The following MTHFD1L variants were observed in gnomAD, a reference collection of about 807,000 sequenced individuals.
MTHFD1L encodes monofunctional C1-tetrahydrofolate synthase, mitochondrial.
In MTHFD1L, 81 loss-of-function variants were observed where a neutral mutation model predicts 119.5. The ratio of observed to expected loss-of-function variants is 0.68; its 90% CI spans 0.57 to 0.82. The LOEUF (loss-of-function observed/expected upper bound fraction) is 0.82. MTHFD1L is among the 40% of genes least tolerant of loss of function. The pLI, the probability that MTHFD1L is intolerant of heterozygous loss-of-function variation, is 0.00. For synonymous variants in MTHFD1L, 430 were observed against 475.2 expected (o/e 0.90, Z 1.24); for missense variants, 1,125 against 1,253.4 (o/e 0.90, Z 1.55).
intron 1 of MTHFD1L, among the ~76,000 whole-genome samples, chr6:150,867,604 A>G (rs1263449159): frequency 1.3e-5 from 2 of 152,046 alleles, no homozygotes; most frequent in Non-Finnish European, 2.9e-5. Context: ...ATTACCTGAA[A>G]CTTCCTTCTT....
rs1417452814 is a variant in MTHFD1L, at chr6:150,949,105, C to T, written c.1698C>T (p.Ile566=). The T allele has an allele frequency of 8.1e-6, 13 of 1,613,904 alleles. No individual in the cohort carries two copies. The Admixed American group carries it at 1.8e-4, about 23-fold the overall frequency. Residue 566 remains isoleucine (I), a synonymous_variant, in exon 16 of 28, where the codon ATC becomes ATT. Transcript: ENST00000367321. ...TGAGTAAATTTGCCCGTCTCGACATCGACCCATCTACCATCACGTGGCAGA... is the reference window on the plus strand; with the variant it reads ...TGAGTAAATTTGCCCGTCTCGACATTGACCCATCTACCATCACGTGGCAGA... ...EEVSKFARLD[I]DPSTITWQRV... is the part of the protein sequence containing the mutation.
chr6:151,100,049 T>TC, intron 27 of MTHFD1L: 1 of 633,522 alleles, frequency 1.6e-6, no homozygotes, highest in Non-Finnish European at 2.7e-6. Flanking sequence ...TTTTTTTTTT[T>TC]TTGAGACGCA....
chr6:151,021,088 A>T (rs1783879757), intron 24 of MTHFD1L, among the ~76,000 whole-genome samples: 1 of 152,124 alleles, frequency 6.6e-6, no homozygotes, highest in Non-Finnish European at 1.5e-5. Flanking sequence ...TTAAGTTTAA[A>T]CCTTGAGTAG....
chr6:150,931,979 T>C (rs1791116210), intron 11 of MTHFD1L, among the ~76,000 whole-genome samples: 1 of 151,262 alleles, frequency 6.6e-6, no homozygotes, highest in Non-Finnish European at 1.5e-5. Flanking sequence ...CTGGCCAACA[T>C]GGTGAAACCC....
intron 20 of MTHFD1L, among the ~76,000 whole-genome samples, chr6:150,992,167 T>C (rs1397756602): frequency 6.7e-6 from 1 of 150,184 alleles, no homozygotes; most frequent in East Asian, 2.0e-4. Flanking sequence ...CTAACAGGGC[T>C]CCCTCCCCAG....
At chr6:151,006,128 G>A (rs1781350673) in intron 20 of MTHFD1L, among the ~76,000 whole-genome samples, 1 of 145,088 alleles carries the variant, frequency 6.9e-6, no homozygotes, top group Non-Finnish European at 1.5e-5. Context: ...CGGCACGTCA[G>A]TGTACTTAGG....
intron 14 of MTHFD1L, 22 bp from the exon 15 acceptor site, chr6:150,945,445 C>G (rs766689729): frequency 6.2e-7 from 1 of 1,600,664 alleles, no homozygotes; most frequent in Non-Finnish European, 8.5e-7. Context: ...TGTGTGGTCT[C>G]ATTTTTGTTT....
chr6:150,973,385 C>T (rs1034815004), intron 20 of MTHFD1L, among the ~76,000 whole-genome samples: 1 of 152,164 alleles, frequency 6.6e-6, no homozygotes, highest in Admixed American at 6.5e-5. Flanking sequence ...TTTGCTCCTT[C>T]GGTAGCAAAT....
At chr6:150,957,618 A>G (rs996459090) in intron 17 of MTHFD1L, among the ~76,000 whole-genome samples, 2 of 152,208 alleles carry the variant, frequency 1.3e-5, no homozygotes, top group Non-Finnish European at 1.5e-5. Context: ...CCAAATGTCC[A>G]ACAGTAGAGA....
intron 21 of MTHFD1L, among the ~76,000 whole-genome samples, chr6:151,013,356 G>A (rs1294512531): frequency 6.6e-6 from 1 of 152,190 alleles, no homozygotes; most frequent in East Asian, 1.9e-4. Flanking sequence ...CTCCAGCCTG[G>A]ACAACAGAAC....
intron 27 of MTHFD1L, among the ~76,000 whole-genome samples, chr6:151,095,135 T>C (rs1313866651): frequency 6.6e-6 from 1 of 152,244 alleles, no homozygotes; most frequent in Admixed American, 6.5e-5. Flanking sequence ...TAACTGCATC[T>C]TTGATCTTTG....
intron 26 of MTHFD1L, among the ~76,000 whole-genome samples, chr6:151,074,435 A>G (rs1228428120): frequency 6.6e-6 from 1 of 152,252 alleles, no homozygotes; most frequent in Non-Finnish European, 1.5e-5. Context: ...AACATTTAGA[A>G]GCTAAATATA....
chr6:150,976,836 G>C (rs1776652507), intron 20 of MTHFD1L, among the ~76,000 whole-genome samples: 1 of 136,922 alleles, frequency 7.3e-6, no homozygotes. Flanking sequence ...CAAAAATAGA[G>C]AATTTGAAAA....
chr6:150,949,100 G>A lies in MTHFD1L; in HGVS notation c.1693G>A (p.Asp565Asn), dbSNP rs367558632. 4.3e-6 allele frequency: 7 copies of A among 1,613,854 alleles called. No homozygotes were observed. The East Asian group carries it at 6.7e-5, about 15-fold the overall frequency. ...EEEVSKFARL[D>N]IDPSTITWQR... ...GGAAGTGAGTAAATTTGCCCGTCTC[G>A]ACATCGACCCATCTACCATCACGTG... Residue 565 changes from aspartate to asparagine, a missense_variant, in exon 16 of 28, where the codon GAC becomes AAC. By Grantham distance (23) the Asp-to-Asn change is conservative. Around this residue, in one of 3 missense-constraint regions of MTHFD1L, gnomAD observed 1,058 missense variants for 1,151.2 expected, o/e 0.92. Coordinates refer to ENST00000367321, the MANE Select transcript of MTHFD1L (RefSeq NM_015440.5).
chr6:151,039,940 A>ACATACATG lies in MTHFD1L; in HGVS notation c.2847+2847_2847+2854dup, dbSNP rs770404743. On this transcript the variant is annotated intron_variant, in intron 26 of 27. Coordinates refer to ENST00000367321, the MANE Select transcript of MTHFD1L (RefSeq NM_015440.5). This position sits in a 1 kb window ranked among gnomAD's most constrained non-coding sequence, Gnocchi z 4.4. ...TAAATACATACATACATACATACAT[A>ACATACATG]CATACATGCATACATGCATACATGC... Among the ~76,000 whole-genome samples the ACATACATG allele has an allele frequency of 6.7e-6, 1 of 150,098 alleles. No homozygotes were observed. Among genetic ancestry groups the ACATACATG allele is most frequent in the East Asian group, 1.9e-4 (1 of 5,182 alleles).
intron 11 of MTHFD1L, among the ~76,000 whole-genome samples, chr6:150,928,864 G>C (rs1205317056): frequency 6.6e-6 from 1 of 152,124 alleles, no homozygotes; most frequent in African/African-American, 2.4e-5. Flanking sequence ...TTTTGTAAGA[G>C]GGACAGACAG....
chr6:150,918,616 G>A lies in MTHFD1L; in HGVS notation c.932G>A (p.Gly311Glu). The A allele has an allele frequency of 5.0e-6, 8 of 1,614,168 alleles. No homozygotes were observed. The highest frequency in any genetic ancestry group is 5.9e-6 in the Non-Finnish European group (7 of 1,180,016). Residue 311 changes from glycine (G) to glutamate (E), a missense_variant, in exon 9 of 28, where the codon GGA becomes GAA. By Grantham distance (98) the Gly-to-Glu change is moderately conservative. Around this residue, in one of 3 missense-constraint regions of MTHFD1L, gnomAD observed 1,058 missense variants for 1,151.2 expected, o/e 0.92. Transcript: ENST00000367321. ...GCGSPRIHFG[G>E]LIEEDDVILL... ...GGCTCTCCAAGAATACATTTTGGTG[G>A]ACTCATTGAGGAAGATGATGTGATT...
At chr6:151,087,091 A>G (rs1383313337) in intron 26 of MTHFD1L, among the ~76,000 whole-genome samples, 1 of 152,052 alleles carries the variant, frequency 6.6e-6, no homozygotes, top group Non-Finnish European at 1.5e-5. Flanking sequence ...TCTACCAAAA[A>G]TACAAAAATT....
At chr6:150,923,544 C>CT (rs61415562) in intron 10 of MTHFD1L, among the ~76,000 whole-genome samples, 1,192 of 53,228 alleles carry the variant, frequency 0.022, 60 homozygotes, top group African/African-American at 0.04. Context: ...TTTATTTTTT[C>CT]TTTTTTTTTT....
Sources: gnomAD v4.1 joint callset for allele counts (sites outside exome capture counted in the v4.1 genomes callset) on GRCh38, gnomAD v4.1.1 for gene constraint, gnomAD v4.1.1 regional missense constraint, Gnocchi (gnomAD v3.1) non-coding constraint, MANE v1.5 for transcripts, NCBI Gene and HGNC (gene_info 2026-07-23, HGNC 2026-07-21) for gene names.